The following ZNF638 variants were observed in gnomAD, a reference collection of about 807,000 sequenced individuals.
The protein encoded by ZNF638 is CTCL tumor antigen se33-1.
A neutral mutation model predicts 195.6 loss-of-function variants in ZNF638; 46 were observed. The observed-to-expected ratio is 0.24, with a 90% CI of 0.19 to 0.30. The LOEUF (loss-of-function observed/expected upper bound fraction) is 0.30. Ranked by LOEUF, ZNF638 falls within the 10% of genes least tolerant of loss-of-function variation. The probability of loss-of-function intolerance (pLI) is 1.00; values close to 1 mark genes in which losing one functional copy is unlikely to be tolerated. For synonymous variants in ZNF638, 845 were observed against 772.0 expected, an observed-to-expected ratio of 1.09 and a Z score of -1.57; for missense variants, 2,440 against 2,325.3, an observed-to-expected ratio of 1.05 and a Z score of -1.01.
chr2:71,348,487 A>T, intron 1 of ZNF638: 2 of 1,036,674 alleles, frequency 1.9e-6, no homozygotes, highest in Non-Finnish European at 2.3e-6. Context: ...AGTTGTAATT[A>T]CTGCTCAGCA....
intron 20 of ZNF638, among the ~76,000 whole-genome samples, chr2:71,410,992 C>CTTTTTTTTTT (rs775391313): frequency 8.2e-5 from 2 of 24,506 alleles, no homozygotes; most frequent in Non-Finnish European, 1.5e-4. Flanking sequence ...CTCCCCCCCC[C>CTTTTTTTTTT]TTTTTTTTTT....
chr2:71,431,434 G>A lies in ZNF638; in HGVS notation c.5752+6G>A. On this transcript the variant is annotated splice_donor_region_variant and intron_variant, in intron 26 of 27. Transcript: ENST00000264447. Reference sequence around the variant, plus strand: ...GGCGTCTGATGTCCCTGAGGGTAAAGTTAAAATGACATTTTTTTCTTACCC... The same window carrying A: ...GGCGTCTGATGTCCCTGAGGGTAAAATTAAAATGACATTTTTTTCTTACCC... The A allele has an allele frequency of 6.2e-7, 1 of 1,611,862 alleles. No individual in the cohort carries two copies. The highest frequency in any genetic ancestry group is 1.1e-5 in the South Asian group (1 of 90,906).
chr2:71,354,153 A>C (rs2104208415), intron 2 of ZNF638, among the ~76,000 whole-genome samples: 1 of 152,338 alleles, frequency 6.6e-6, no homozygotes, highest in Non-Finnish European at 1.5e-5. Flanking sequence ...CTAATGACCT[A>C]AACTAAAATG....
intron 8 of ZNF638, among the ~76,000 whole-genome samples, chr2:71,370,383 G>T (rs934716428): frequency 6.6e-6 from 1 of 152,124 alleles, no homozygotes; most frequent in Non-Finnish European, 1.5e-5. Flanking sequence ...TAATGCCATA[G>T]TTGAGTTTTG....
chr2:71,376,915 T>G (rs191630301), intron 8 of ZNF638, among the ~76,000 whole-genome samples: 4 of 152,330 alleles, frequency 2.6e-5, no homozygotes, highest in African/African-American at 9.6e-5. Context: ...AGTAATCCGA[T>G]GAAAGCAAAC....
intron 1 of ZNF638, among the ~76,000 whole-genome samples, chr2:71,347,574 CA>C (rs1362808760): frequency 6.6e-6 from 1 of 152,190 alleles, no homozygotes; most frequent in Non-Finnish European, 1.5e-5. Flanking sequence ...TCACATTTTC[CA>C]CCATGCATTT....
At chr2:71,409,255 T>G (rs970717887) in intron 20 of ZNF638, among the ~76,000 whole-genome samples, 2 of 152,208 alleles carry the variant, frequency 1.3e-5, no homozygotes, top group African/African-American at 4.8e-5. Context: ...ATGGCTTATT[T>G]GTAACAGTTT....
intron 8 of ZNF638, chr2:71,379,374 C>CCT (rs2079493339): frequency 6.6e-6 from 1 of 152,192 alleles, no homozygotes; most frequent in African/African-American, 2.4e-5. Context: ...TTCATGCAGT[C>CCT]CAACTCCAGC....
chr2:71,360,636 ATG>A (rs1056318762), intron 3 of ZNF638, among the ~76,000 whole-genome samples: 5 of 151,798 alleles, frequency 3.3e-5, no homozygotes, highest in Non-Finnish European at 7.4e-5. Flanking sequence ...TTTCCTTGAA[ATG>A]TCTGGGAAAC....
Position 71,423,595 on chromosome 2 carries a change from G to A in ZNF638, c.4081G>A (p.Ala1361Thr), listed in dbSNP as rs951887275. ...GCCTGCAGAAAACACTTTATTCAAG[G>A]CATACCCAAATAAAGGAGTGGGTCA... ...EKPAENTLFK[A>T]YPNKGVGQAN... The change falls in exon 22 of 28, where the codon GCA becomes ACA. Residue 1361 changes from alanine to threonine, a missense_variant. Ala to Thr is a moderately conservative substitution (Grantham distance 58). Around this residue, in one of 5 missense-constraint regions of ZNF638, gnomAD observed 1,883 missense variants for 1,739.1 expected, o/e 1.08. Transcript: ENST00000264447. 7 of 1,613,900 alleles carry A rather than the reference G, an allele frequency of 4.3e-6. No individual in the cohort carries two copies. Among genetic ancestry groups the A allele is most frequent in the Non-Finnish European group, 4.2e-6 (5 of 1,180,004 alleles).
Position 71,434,952 on chromosome 2 carries a change from C to T in ZNF638, c.*145C>T, listed in dbSNP as rs1020718206. The T allele has an allele frequency of 7.8e-5, 48 of 615,962 alleles. No individual in the cohort carries two copies. The highest frequency in any genetic ancestry group is 1.2e-4 in the Non-Finnish European group (44 of 356,742). The allele number at this position is 615,962 out of a possible 1,614,324, so 38.2% of individuals were successfully genotyped here. A position where few individuals can be genotyped will look rare whatever the true frequency, so the allele number is the denominator to read the frequency against. On this transcript the variant is annotated 3_prime_UTR_variant, in exon 28 of 28. Transcript: ENST00000264447. ...TCTGATTGCCCTAAATGTAGAGAGA[C>T]TGATGGGGAAAGTATGATGGGTTTG...
At chr2:71,364,414 A>G (rs577084135) in intron 5 of ZNF638, among the ~76,000 whole-genome samples, 162 bp downstream of exon 5, 1 of 152,376 alleles carries the variant, frequency 6.6e-6, no homozygotes, top group African/African-American at 2.4e-5. Flanking sequence ...GTAACTTGGC[A>G]AAGAAATGTG....
intron 10 of ZNF638, among the ~76,000 whole-genome samples, chr2:71,389,352 G>A (rs1478805453): frequency 6.6e-6 from 1 of 152,150 alleles, no homozygotes; most frequent in African/African-American, 2.4e-5. Context: ...CGCTTATAAA[G>A]ATAAGAAAAA....
intron 10 of ZNF638, 198 bp from the exon 11 acceptor site, chr2:71,395,936 GTTAAAAT>G (rs2079884121): frequency 1.7e-6 from 1 of 600,912 alleles, no homozygotes; most frequent in Non-Finnish European, 2.9e-6. Context: ...AATGTTACTT[GTTAAAAT>G]TTAAATCTGT....
chr2:71,342,487 G>A (rs1372632117), intron 1 of ZNF638, among the ~76,000 whole-genome samples: 1 of 152,070 alleles, frequency 6.6e-6, no homozygotes, highest in African/African-American at 2.4e-5. Flanking sequence ...TTAAGCACTT[G>A]AGCCTGTAAC....
At chr2:71,392,515 C>G (rs998966302) in intron 10 of ZNF638, among the ~76,000 whole-genome samples, 2 of 152,160 alleles carry the variant, frequency 1.3e-5, no homozygotes, top group African/African-American at 4.8e-5. Flanking sequence ...ACTCTCGAGC[C>G]TACCCTGTGT....
rs753591456 is a variant in ZNF638, at chr2:71,349,923, G to T, written c.969G>T (p.Met323Ile). The change falls in exon 2 of 28, where the codon ATG becomes ATT. Residue 323 changes from methionine to isoleucine, a missense_variant. Met to Ile is a conservative substitution (Grantham distance 10). This residue lies in a region of ZNF638 where 305 missense variants were observed against 283.6 expected (regional missense o/e 1.08). Coordinates refer to ENST00000264447, the MANE Select transcript of ZNF638 (RefSeq NM_014497.5). ...QSINQTVSQT[M>I]SQSLIPPSMN... Reference sequence around the variant, plus strand: ...TTAACCAAACAGTTAGCCAGACAATGAGTCAATCTCTGATTCCTCCATCTA... The same window carrying T: ...TTAACCAAACAGTTAGCCAGACAATTAGTCAATCTCTGATTCCTCCATCTA... 1 of 1,614,192 alleles carries T rather than the reference G, an allele frequency of 6.2e-7. No individual in the cohort carries two copies. The highest frequency in any genetic ancestry group is 1.1e-5 in the South Asian group (1 of 91,080).
chr2:71,427,126 G>C lies in ZNF638; in HGVS notation c.5257G>C (p.Glu1753Gln). 1 of 1,614,084 alleles carries C rather than the reference G, an allele frequency of 6.2e-7. No homozygotes were observed. The highest frequency in any genetic ancestry group is 8.5e-7 in the Non-Finnish European group (1 of 1,179,988). ...SSDLHLVTLD[E>Q]VTEEDEDSLA... ...TGATTTGCATTTAGTGACTTTGGAT[G>C]AAGTAACTGAAGAGGATGAAGACTC... Residue 1753 changes from glutamate (E) to glutamine (Q), a missense_variant, in exon 24 of 28, where the codon GAA (glutamate) becomes CAA (glutamine). Around this residue, in one of 5 missense-constraint regions of ZNF638, gnomAD observed 1,883 missense variants for 1,739.1 expected, o/e 1.08. Transcript: ENST00000264447.
intron 20 of ZNF638, among the ~76,000 whole-genome samples, chr2:71,414,726 C>T (rs1202981364): frequency 3.3e-5 from 4 of 122,252 alleles, no homozygotes; most frequent in Non-Finnish European, 6.9e-5. Flanking sequence ...GCCTTCATTT[C>T]GTTATGTACC....
Sources: allele counts gnomAD v4.1 joint callset (sites outside exome capture counted in the v4.1 genomes callset), GRCh38; gene constraint gnomAD v4.1.1; regional missense constraint gnomAD v4.1.1; transcripts MANE v1.5; gene names NCBI Gene and HGNC (gene_info 2026-07-23, HGNC 2026-07-21).